SYTL5: variants seen among roughly 807,000 people sequenced by gnomAD.
SYTL5 encodes synaptotagmin like 5.
Under a neutral mutation model 55.9 loss-of-function variants are expected in SYTL5, and 34 were observed. The ratio of observed to expected loss-of-function variants is 0.61; its 90% CI spans 0.46 to 0.81. SYTL5 has a LOEUF of 0.81. Among genes scored for constraint, SYTL5 ranks in the 30% least tolerant of loss-of-function variants. SYTL5 has a pLI of 0.00. For synonymous variants in SYTL5, 221 were observed against 188.7 expected, an observed-to-expected ratio of 1.17 and a Z score of -1.40; for missense variants, 637 against 546.7, an observed-to-expected ratio of 1.17 and a Z score of -1.65.
intron 1 of SYTL5, among the ~76,000 whole-genome samples, chrX:38,020,444 T>C (rs1380698452): frequency 3.1e-5 from 3 of 95,404 alleles, no homozygotes; most frequent in Non-Finnish European, 6.3e-5. Flanking sequence ...TATATATATA[T>C]ATATATTTCT....
chrX:38,015,012 G>C (rs1905218989), intron 1 of SYTL5, among the ~76,000 whole-genome samples: 1 of 112,024 alleles, frequency 8.9e-6, no homozygotes, highest in Non-Finnish European at 1.9e-5. Context: ...CTTCGGCTTA[G>C]TGATTTTGGG....
chrX:38,061,903 T>C (rs149806864), intron 3 of SYTL5, among the ~76,000 whole-genome samples: 3 of 111,990 alleles, frequency 2.7e-5, no homozygotes, highest in African/African-American at 9.7e-5. Flanking sequence ...TAGTACCCAA[T>C]TGAATTCAGA....
the SYTL5 span, among the ~76,000 whole-genome samples, chrX:37,929,623 G>C: frequency 1.8e-5 from 2 of 111,709 alleles, no homozygotes; most frequent in South Asian, 7.4e-4. Context: ...ATGGATAGGG[G>C]TGGTCTGAGG....
At chrX:38,086,903 A>G (rs1038723510) in intron 6 of SYTL5, among the ~76,000 whole-genome samples, 6 of 111,897 alleles carry the variant, frequency 5.4e-5, no homozygotes, top group Non-Finnish European at 1.1e-4. Context: ...CATTTTTGAG[A>G]TAATGCTGCT....
At position 38,076,578 on chromosome X, in the gene SYTL5, G is replaced by A; in HGVS notation, c.566G>A (p.Ser189Asn). The A allele has an allele frequency of 5.8e-6, 7 of 1,197,332 alleles. No individual in the cohort carries two copies. The highest frequency in any genetic ancestry group is 3.0e-5 in the East Asian group (1 of 33,629). The change falls in exon 6 of 17, where the codon AGC becomes AAC. Residue 189 changes from serine (S) to asparagine (N), a missense_variant. Ser to Asn is a conservative substitution (Grantham distance 46). Transcript: ENST00000297875. The stretch of plus-strand genomic sequence containing the variant: ...ATATATAATTTCAGATTTCTTCTTA[G>A]CAAGTTCAGATCGGCAACCAGAGGA... ...DGPKRKGFLLSKFRSATRGEI... is the reference protein window; with the variant it reads ...DGPKRKGFLLNKFRSATRGEI...
chrX:38,034,817 C>T (rs56992567), intron 2 of SYTL5, among the ~76,000 whole-genome samples: 32,907 of 110,844 alleles, frequency 0.3, 6,877 homozygotes, highest in African/African-American at 0.74. Context: ...CTGCCTGTAC[C>T]GTCTTTGTTT....
At chrX:38,083,398 C>T (rs1206303559) in intron 6 of SYTL5, among the ~76,000 whole-genome samples, 2 of 111,498 alleles carry the variant, frequency 1.8e-5, no homozygotes, top group Non-Finnish European at 3.8e-5. Context: ...ATTTTAAAAC[C>T]CTCAAACAAA....
At position 38,054,401 on chromosome X, in the gene SYTL5, G is replaced by T; in HGVS notation, c.308G>T (p.Cys103Phe). ...RVAGPNGSWKCTVCDKIAQLR... is the reference protein window; with the variant it reads ...RVAGPNGSWKFTVCDKIAQLR... ...GCAGGCCCCAATGGCAGCTGGAAGT[G>T]CACTGTCTGTGACAAAATCGCGTGA... is the stretch of plus-strand genomic sequence containing the variant. The change falls in exon 3 of 17, where the codon TGC becomes TTC. Residue 103 changes from cysteine (C) to phenylalanine (F), a missense_variant. By Grantham distance (205) the Cys-to-Phe change is radical. Coordinates refer to ENST00000297875, the MANE Select transcript of SYTL5 (RefSeq NM_138780.3). The T allele has an allele frequency of 8.3e-7, 1 of 1,210,975 alleles. No homozygotes were observed.
chrX:38,100,897 A>G (rs1378788489), intron 9 of SYTL5, among the ~76,000 whole-genome samples: 2 of 111,333 alleles, frequency 1.8e-5, no homozygotes, highest in Non-Finnish European at 3.8e-5. Context: ...CAGAATATAC[A>G]TATCAGTGTT....
the SYTL5 span, among the ~76,000 whole-genome samples, chrX:37,969,869 G>A: frequency 1.3e-3 from 140 of 111,959 alleles, 1 homozygote; most frequent in African/African-American, 4.3e-3. Flanking sequence ...CCTGACCTCA[G>A]GTGATCCACC....
At chrX:37,963,701 C>G in the SYTL5 span, among the ~76,000 whole-genome samples, 2 of 112,081 alleles carry the variant, frequency 1.8e-5, no homozygotes, top group African/African-American at 6.5e-5. Context: ...TTATATCTTT[C>G]TTTCCTATTT....
chrX:37,992,537 C>T, the SYTL5 span, among the ~76,000 whole-genome samples: 2,573 of 112,977 alleles, frequency 0.023, 69 homozygotes, highest in African/African-American at 0.077. Flanking sequence ...AAAGTCTCTC[C>T]ATCTGTGGGT....
rs775222063 is a variant in SYTL5 at position 38,096,281 on chromosome X, G to A, written c.1062+47G>A. ...ATATAATGAAGAGGAGGAAATAAGG[G>A]CATAATCTTGCTCCAAGTGGTTTCA... On this transcript the variant is annotated intron_variant, in intron 9 of 16. Coordinates refer to ENST00000297875, the MANE Select transcript of SYTL5 (RefSeq NM_138780.3). 3.0e-5 allele frequency: 23 copies of A among 772,383 alleles called. No individual in the cohort carries two copies. The South Asian group carries it at 5.0e-4, about 17-fold the overall frequency. The allele number at this position is 772,383 out of a possible 1,213,427, so 63.7% of individuals were successfully genotyped here.
intron 11 of SYTL5, 68 bp from the exon 12 acceptor site, chrX:38,108,532 G>A (rs1937271141): frequency 4.9e-6 from 4 of 822,336 alleles, no homozygotes; most frequent in South Asian, 2.3e-5. Flanking sequence ...TATTCACAGC[G>A]AAGTCTTTGA....
At chrX:37,908,842 G>A in the SYTL5 span, among the ~76,000 whole-genome samples, 3 of 111,187 alleles carry the variant, frequency 2.7e-5, no homozygotes, top group African/African-American at 9.8e-5. Flanking sequence ...TGAGTGGAGT[G>A]TTGAGTTTGG....
chrX:38,012,824 C>T (rs1934229303), intron 1 of SYTL5, among the ~76,000 whole-genome samples: 1 of 111,694 alleles, frequency 9.0e-6, no homozygotes, highest in Admixed American at 9.5e-5. Flanking sequence ...GCAGTAAGAG[C>T]CTATTGCAAA....
At chrX:37,996,838 A>G in the SYTL5 span, among the ~76,000 whole-genome samples, 1 of 112,015 alleles carries the variant, frequency 8.9e-6, no homozygotes, top group East Asian at 2.8e-4. Flanking sequence ...TTACTCCCAA[A>G]ATAGGAGTCT....
the SYTL5 span, among the ~76,000 whole-genome samples, chrX:37,993,023 C>T: frequency 9.0e-6 from 1 of 111,149 alleles, no homozygotes; most frequent in African/African-American, 3.3e-5. Context: ...AACTGTTCTC[C>T]TCTAAGAGAG....
chrX:38,013,910 TCCTCC>T (rs1934263446), intron 1 of SYTL5, among the ~76,000 whole-genome samples: 1 of 110,265 alleles, frequency 9.1e-6, no homozygotes, highest in Non-Finnish European at 1.9e-5. Context: ...CACCACCAAC[TCCTCC>T]TCTCCTAGCT....
Sources: allele counts gnomAD v4.1 joint callset (sites outside exome capture counted in the v4.1 genomes callset), GRCh38; gene constraint gnomAD v4.1.1; transcripts MANE v1.5; gene names NCBI Gene and HGNC (gene_info 2026-07-23, HGNC 2026-07-21).